CCAR1: variants seen among roughly 807,000 people sequenced by gnomAD.
The protein encoded by CCAR1 is cell division cycle and apoptosis regulator 1.
CCAR1 carries 78 observed loss-of-function variants against 163.8 expected under a neutral mutation model. That is an observed-to-expected ratio of 0.48 (90% CI 0.40 to 0.57). The LOEUF (loss-of-function observed/expected upper bound fraction) is 0.57. CCAR1 is among the 20% of genes least tolerant of loss of function. The pLI, the probability that CCAR1 is intolerant of heterozygous loss-of-function variation, is 0.00. For synonymous variants in CCAR1, 443 were observed against 460.7 expected (o/e 0.96, Z 0.49); for missense variants, 1,019 against 1,365.2 (o/e 0.75, Z 4.00).
chr10:68,770,029 T>A (rs572527844), intron 17 of CCAR1, among the ~76,000 whole-genome samples: 2 of 152,268 alleles, frequency 1.3e-5, no homozygotes, highest in East Asian at 3.9e-4. Context: ...TAGTAATAGA[T>A]GCTCCCTATT....
Position 68,740,698 on chromosome 10 carries a change from A to G in CCAR1, c.324+37A>G, listed in dbSNP as rs368519964. On this transcript the variant is annotated intron_variant, in intron 5 of 24. Transcript: ENST00000265872. ...TTACTTTATTTGTTTTGGATGTCTG[A>G]ATGAACAGTAGACTAAAGCTTTATT... 26 of 1,526,738 alleles carry G rather than the reference A, an allele frequency of 1.7e-5. No homozygotes were observed. In the African/African-American group the frequency reaches 3.6e-4, roughly 21 times the overall value. The allele number at this position is 1,526,738 out of a possible 1,614,324, so 94.6% of individuals were successfully genotyped here.
intron 1 of CCAR1, among the ~76,000 whole-genome samples, chr10:68,721,870 G>T (rs1351753122): frequency 6.6e-6 from 1 of 152,208 alleles, no homozygotes; most frequent in Non-Finnish European, 1.5e-5. Context: ...GGGGGGAGGG[G>T]TTTTCCCAGT....
chr10:68,786,848 G>T, intron 21 of CCAR1, 156 bp downstream of exon 21: 1 of 557,406 alleles, frequency 1.8e-6, no homozygotes, highest in Non-Finnish European at 3.0e-6. Context: ...AGGTTGGGAG[G>T]CTGAGGCGGG....
At chr10:68,736,804 T>C (rs2056116703) in intron 2 of CCAR1, 72 bp from the exon 3 acceptor site, 2 of 1,356,264 alleles carry the variant, frequency 1.5e-6, no homozygotes, top group African/African-American at 1.5e-5. Flanking sequence ...ATCTCTTCTA[T>C]GTACTGTTTT....
intron 5 of CCAR1, among the ~76,000 whole-genome samples, chr10:68,740,886 T>A (rs1392910312): frequency 1.7e-5 from 2 of 116,304 alleles, no homozygotes; most frequent in African/African-American, 3.6e-5. Flanking sequence ...GGTTTTATTT[T>A]ATTTATTTAT....
chr10:68,724,933 GT>G (rs1314210342), intron 2 of CCAR1, among the ~76,000 whole-genome samples: 16 of 152,276 alleles, frequency 1.1e-4, no homozygotes, highest in African/African-American at 3.4e-4. Context: ...GAGGTTGGGA[GT>G]TCAAGACCAG....
In CCAR1 at chr10:68,731,425, C is replaced by T. The variant is rs112057611; in HGVS notation, c.74-5451C>T. Among the ~76,000 whole-genome samples, 1,443 of 152,194 alleles carry T rather than the reference C, an allele frequency of 9.5e-3. 12 individuals carry two copies. Among genetic ancestry groups the T allele is most frequent in the Non-Finnish European group, 0.012 (796 of 68,008 alleles). ...CAAGTATAAGTGATTTAGAAAAGAA[C>T]TGTTATATATTTATAAAAGATATAA... On this transcript the variant is annotated intron_variant, in intron 2 of 24. Transcript: ENST00000265872.
At position 68,778,531 on chromosome 10, in the gene CCAR1, C is replaced by CT. The variant is rs750204571; in HGVS notation, c.2650+5443dup. ...CACATTTCTGGTCTCTTATCCTCTC[C>CT]TTTTTTTTTTTCCATAGAATTTATG... On this transcript the variant is annotated intron_variant, in intron 19 of 24. Coordinates refer to ENST00000265872, the MANE Select transcript of CCAR1 (RefSeq NM_018237.4). 0.011 allele frequency among the ~76,000 whole-genome samples: 376 copies of CT among 34,428 alleles called. 9 individuals are homozygous for CT. The East Asian group carries it at 0.11, about 10-fold the overall frequency. The allele number at this position is 34,428 out of a possible 152,430, so 22.6% of individuals were successfully genotyped here. A position where few individuals can be genotyped will look rare whatever the true frequency, so the allele number is the denominator to read the frequency against.
At chr10:68,789,980 T>C in intron 24 of CCAR1, 65 bp downstream of exon 24, 1 of 995,120 alleles carries the variant, frequency 1.0e-6, no homozygotes, top group Non-Finnish European at 1.5e-6. Context: ...GTTTTTAATG[T>C]ATTTTAATGT....
intron 17 of CCAR1, among the ~76,000 whole-genome samples, chr10:68,768,177 C>T (rs1195816205): frequency 6.6e-6 from 1 of 152,134 alleles, no homozygotes; most frequent in African/African-American, 2.4e-5. Context: ...ACATAAAGTC[C>T]ATGCTTATTG....
At chr10:68,760,200 G>A (rs2056451101) in intron 15 of CCAR1, among the ~76,000 whole-genome samples, 1 of 152,026 alleles carries the variant, frequency 6.6e-6, no homozygotes, top group African/African-American at 2.4e-5. Context: ...TGTCGCCGCG[G>A]CTGGAGTGCA....
intron 24 of CCAR1, among the ~76,000 whole-genome samples, chr10:68,790,504 A>G (rs2056840761): frequency 6.6e-6 from 1 of 151,914 alleles, no homozygotes; most frequent in Non-Finnish European, 1.5e-5. Flanking sequence ...TAAACCATTC[A>G]CTTCACTTCT....
At chr10:68,789,493 C>T (rs1228177393) in intron 23 of CCAR1, among the ~76,000 whole-genome samples, 1 of 151,872 alleles carries the variant, frequency 6.6e-6, no homozygotes, top group African/African-American at 2.4e-5. Context: ...CGTGCCACTT[C>T]GCTCAAGCTG....
At chr10:68,758,535 TG>T (rs2056424193) in intron 15 of CCAR1, among the ~76,000 whole-genome samples, 1 of 148,358 alleles carries the variant, frequency 6.7e-6, no homozygotes, top group South Asian at 2.1e-4. Flanking sequence ...TGTGTGTGTG[TG>T]TGTGTGTGTA....
Position 68,747,523 on chromosome 10 carries a change from G to A in CCAR1, c.783G>A (p.Leu261=). 6.2e-7 allele frequency: 1 copy of A among 1,614,012 alleles called. No individual in the cohort carries two copies. The highest frequency in any genetic ancestry group is 8.5e-7 in the Non-Finnish European group (1 of 1,179,974). The change falls in exon 8 of 25, where the codon TTG becomes TTA. Residue 261 remains leucine, a synonymous_variant. Coordinates refer to ENST00000265872, the MANE Select transcript of CCAR1 (RefSeq NM_018237.4). The part of the protein sequence containing the change: ...QISAASITPL[L]QTQPQPLLQQ... ...CAGCAGCTTCTATTACACCACTATT[G>A]CAGACTCAACCACAGCCCTTATTAC...
In CCAR1 at chr10:68,756,661, CTTA is replaced by C. The variant is rs1230411505; in HGVS notation, c.1836+183_1836+185del. The C allele has an allele frequency of 1.6e-5, 11 of 691,916 alleles. No individual in the cohort carries two copies. The African/African-American group carries it at 1.8e-4, about 11-fold the overall frequency. The allele number at this position is 691,916 out of a possible 1,614,324, so 42.9% of individuals were successfully genotyped here. ...TGTTCTTTTCTCTTAAAATTTCTGTCTTATTATCCTAACTTTAAGAGTGCTGAG... is the reference window on the plus strand; with the variant it reads ...TGTTCTTTTCTCTTAAAATTTCTGTCTTATCCTAACTTTAAGAGTGCTGAG... On this transcript the variant is annotated intron_variant, in intron 14 of 24. Coordinates refer to ENST00000265872, the MANE Select transcript of CCAR1 (RefSeq NM_018237.4). The surrounding 1 kb of genome is among the most constrained non-coding windows in gnomAD (Gnocchi z 5.1).
chr10:68,780,673 C>T (rs1303404357), intron 19 of CCAR1, among the ~76,000 whole-genome samples: 2 of 152,190 alleles, frequency 1.3e-5, no homozygotes, highest in East Asian at 1.9e-4. Flanking sequence ...ACAGCATGTG[C>T]CACTTTGACT....
chr10:68,760,816 A>G (rs1188603002), intron 15 of CCAR1, 191 bp from the exon 16 acceptor site: 5 of 362,356 alleles, frequency 1.4e-5, no homozygotes, highest in Non-Finnish European at 2.5e-5. Flanking sequence ...GTAAGCCGAG[A>G]TCACGCCACT....
At chr10:68,743,199 T>C (rs2056205825) in intron 6 of CCAR1, among the ~76,000 whole-genome samples, 1 of 148,634 alleles carries the variant, frequency 6.7e-6, no homozygotes, top group Admixed American at 6.7e-5. Flanking sequence ...TTTTTCTTTT[T>C]CTTTTTTTTT....
Sources: gnomAD v4.1 joint callset for allele counts (sites outside exome capture counted in the v4.1 genomes callset) on GRCh38, gnomAD v4.1.1 for gene constraint, Gnocchi (gnomAD v3.1) non-coding constraint, MANE v1.5 for transcripts, NCBI Gene and HGNC (gene_info 2026-07-23, HGNC 2026-07-21) for gene names.